The following ERG variants were observed in gnomAD, a reference collection of about 807,000 sequenced individuals.
ERG encodes the protein ETS transcription factor ERG, also known as transcriptional regulator ERG.
Under a neutral mutation model 55.3 loss-of-function variants are expected in ERG, and 9 were observed. The observed-to-expected ratio is 0.16, with a 90% CI of 0.10 to 0.28. The LOEUF (loss-of-function observed/expected upper bound fraction) is 0.28. ERG is among the 10% of genes least tolerant of loss of function. The pLI is 1.00. For missense variants in ERG, 434 were observed against 631.6 expected, an observed-to-expected ratio of 0.69 and a Z score of 3.35; for synonymous variants, 223 against 237.3, an observed-to-expected ratio of 0.94 and a Z score of 0.55.
At chr21:38,461,776 A>C (rs144368392) in intron 1 of ERG, among the ~76,000 whole-genome samples, 2 of 152,360 alleles carry the variant, frequency 1.3e-5, no homozygotes, top group Admixed American at 6.5e-5. Context: ...AAAATATCTC[A>C]TTTGTGTTAA....
chr21:38,574,694 C>A (rs1416182333), intron 2 of ERG, among the ~76,000 whole-genome samples: 1 of 152,142 alleles, frequency 6.6e-6, no homozygotes, highest in Non-Finnish European at 1.5e-5. Flanking sequence ...TTCAATATCA[C>A]AAACTTTGCT....
intron 1 of ERG, among the ~76,000 whole-genome samples, chr21:38,640,612 C>G (rs1420098919): frequency 6.6e-6 from 1 of 152,158 alleles, no homozygotes; most frequent in African/African-American, 2.4e-5. Flanking sequence ...ATCTGTCTTG[C>G]CTGCCGCCAT....
At chr21:38,566,113 G>A (rs972193073) in intron 2 of ERG, among the ~76,000 whole-genome samples, 2 of 152,134 alleles carry the variant, frequency 1.3e-5, no homozygotes. Context: ...TAGATGGGCA[G>A]AATTGGGTGA....
intron 1 of ERG, among the ~76,000 whole-genome samples, chr21:38,634,802 A>G (rs1329960466): frequency 6.6e-6 from 1 of 152,240 alleles, no homozygotes; most frequent in Non-Finnish European, 1.5e-5. Flanking sequence ...ATGGCACAGC[A>G]TGTCACCTGG....
chr21:38,386,193 A>T (rs1263423656), intron 9 of ERG, among the ~76,000 whole-genome samples: 1 of 152,216 alleles, frequency 6.6e-6, no homozygotes, highest in Non-Finnish European at 1.5e-5. Flanking sequence ...CTAATTTCTC[A>T]CTTGACTATT....
intron 2 of ERG, among the ~76,000 whole-genome samples, chr21:38,509,217 TCGG>T (rs1436861607): frequency 6.6e-6 from 1 of 152,210 alleles, no homozygotes; most frequent in African/African-American, 2.4e-5. Flanking sequence ...CAACCGGGCA[TCGG>T]CATACCATCA....
chr21:38,371,278 C>A, the ERG span, among the ~76,000 whole-genome samples: 1 of 151,832 alleles, frequency 6.6e-6, no homozygotes, highest in Non-Finnish European at 1.5e-5. Context: ...AAATAAAATT[C>A]AAAAATTAAC....
At chr21:38,656,290 G>C (rs1438281543) in intron 1 of ERG, among the ~76,000 whole-genome samples, 1 of 152,082 alleles carries the variant, frequency 6.6e-6, no homozygotes, top group Non-Finnish European at 1.5e-5. Context: ...TGGATTTCAG[G>C]AACTCACATC....
intron 1 of ERG, among the ~76,000 whole-genome samples, chr21:38,641,711 T>C (rs2060426123): frequency 6.6e-6 from 1 of 151,650 alleles, no homozygotes; most frequent in Non-Finnish European, 1.5e-5. Flanking sequence ...GCCTTAAAGC[T>C]TAAAGTGAAA....
At position 38,392,414 on chromosome 21, in the gene ERG, G is replaced by A. The variant is rs1186893345; in HGVS notation, c.776C>T (p.Ala259Val). The A allele has an allele frequency of 4.5e-6, 7 of 1,565,292 alleles. No homozygotes were observed. The highest frequency in any genetic ancestry group is 6.1e-6 in the Non-Finnish European group (7 of 1,153,486). Residue 259 changes from alanine to valine, a missense_variant, in exon 7 of 10, where the codon GCC becomes GTC. This residue lies in a region of ERG where 99 missense variants were observed against 145.6 expected (regional missense o/e 0.68). Transcript: ENST00000288319. The part of the protein sequence containing the change: ...DLPYEPPRRS[A>V]WTGHGHPTPQ... Reference sequence around the variant, plus strand: ...CGTGGGGTGGCCGTGACCGGTCCAGGCTGATCTCCTGGGGGGCTCATATGG... The same window carrying A: ...CGTGGGGTGGCCGTGACCGGTCCAGACTGATCTCCTGGGGGGCTCATATGG...
chr21:38,390,930 A>T, intron 9 of ERG, 65 bp downstream of exon 9: 1 of 1,309,264 alleles, frequency 7.6e-7, no homozygotes, highest in Non-Finnish European at 1.1e-6. Context: ...ATACCAATTT[A>T]CTTTTCAAAA....
intron 9 of ERG, among the ~76,000 whole-genome samples, chr21:38,389,801 C>T (rs1038935860): frequency 5.9e-5 from 9 of 152,110 alleles, no homozygotes; most frequent in Non-Finnish European, 7.3e-5. Context: ...TATTGAGCAC[C>T]TAGTCTAGGC....
chr21:38,575,606 GAAA>G, intron 2 of ERG: 1 of 1,335,860 alleles, frequency 7.5e-7, no homozygotes, highest in Non-Finnish European at 1.1e-6. Context: ...TGCTATCCAT[GAAA>G]ACCTAGGCAC....
chr21:38,410,116 C>A (rs531896098), intron 3 of ERG, among the ~76,000 whole-genome samples: 1 of 152,162 alleles, frequency 6.6e-6, no homozygotes, highest in East Asian at 1.9e-4. Context: ...TAACATACTG[C>A]AAAAAAAGAA....
intron 2 of ERG, among the ~76,000 whole-genome samples, chr21:38,529,146 T>C (rs1393679095): frequency 1.3e-5 from 2 of 152,100 alleles, no homozygotes; most frequent in African/African-American, 2.4e-5. Context: ...GAACAGGAGC[T>C]TGGATTTTAT....
chr21:38,606,728 T>C (rs1207164278), intron 1 of ERG, among the ~76,000 whole-genome samples: 1 of 152,140 alleles, frequency 6.6e-6, no homozygotes, highest in Non-Finnish European at 1.5e-5. Context: ...AAAAATTTAA[T>C]AGACTATCTT....
intron 1 of ERG, among the ~76,000 whole-genome samples, chr21:38,576,433 A>T (rs2059995148): frequency 6.6e-6 from 1 of 152,208 alleles, no homozygotes; most frequent in African/African-American, 2.4e-5. Flanking sequence ...GCCCAAAAAA[A>T]ATTTGGTTTG....
At chr21:38,587,233 G>A (rs61428957), upstream of ERG, among the ~76,000 whole-genome samples, 16,549 of 152,170 alleles carry the variant, frequency 0.11, 1,051 homozygotes, top group African/African-American at 0.16. Context: ...TCACTGTAAT[G>A]TATTCTTTTC....
At chr21:38,528,801 T>G (rs2059651028) in intron 2 of ERG, among the ~76,000 whole-genome samples, 1 of 152,190 alleles carries the variant, frequency 6.6e-6, no homozygotes, top group African/African-American at 2.4e-5. Context: ...ATAATTAATA[T>G]TTAAATATCC....
Sources: allele counts gnomAD v4.1 joint callset (sites outside exome capture counted in the v4.1 genomes callset), GRCh38; gene constraint gnomAD v4.1.1; regional missense constraint gnomAD v4.1.1; transcripts MANE v1.5; gene names NCBI Gene and HGNC (gene_info 2026-07-23, HGNC 2026-07-21).